Variants in PANK3 observed in about 807,000 individuals in gnomAD.
The protein encoded by PANK3 is hPanK3.
In PANK3, 20 loss-of-function variants were observed where a neutral mutation model predicts 39.4. That is an observed-to-expected ratio of 0.51 (90% CI 0.36 to 0.74). The LOEUF (loss-of-function observed/expected upper bound fraction) is 0.74, where lower values mean the gene tolerates loss of function less well. PANK3 is among the 30% of genes least tolerant of loss of function. PANK3 has a pLI of 0.00. For synonymous variants in PANK3, 140 were observed against 157.3 expected, an observed-to-expected ratio of 0.89 and a Z score of 0.82; for missense variants, 265 against 437.0, an observed-to-expected ratio of 0.61 and a Z score of 3.51.
rs1219514622 is a variant in PANK3, at chr5:168,554,322, C to A, written c.*3249G>T. 1 of 152,200 alleles carries A rather than the reference C, an allele frequency of 6.6e-6. No homozygotes were observed. The highest frequency in any genetic ancestry group is 6.5e-5 in the Admixed American group (1 of 15,280). 9.4% of individuals were successfully genotyped at this position (152,200 alleles called of 1,614,324 possible). A position where few individuals can be genotyped will look rare whatever the true frequency, so the allele number is the denominator to read the frequency against. On this transcript the variant is annotated 3_prime_UTR_variant, in exon 7 of 7. Coordinates refer to ENST00000239231, the MANE Select transcript of PANK3 (RefSeq NM_024594.4). ...AGAGCTTAAAAAATTGTTTACATTA[C>A]ACAAGGTAAGTATCACTATGGGTTT... is the stretch of plus-strand genomic sequence containing the variant.
At chr5:168,569,736 C>T (rs1027914855) in intron 1 of PANK3, among the ~76,000 whole-genome samples, 1 of 151,976 alleles carries the variant, frequency 6.6e-6, no homozygotes, top group African/African-American at 2.4e-5. Flanking sequence ...TTCAAGTAAC[C>T]CAGGAGAAAA....
At chr5:168,579,200 T>G in intron 1 of PANK3, 56 bp downstream of exon 1, 2 of 1,447,114 alleles carry the variant, frequency 1.4e-6, no homozygotes, top group Non-Finnish European at 1.8e-6. Flanking sequence ...CAAGGGGCTT[T>G]CAGACGGGGC....
intron 1 of PANK3, among the ~76,000 whole-genome samples, chr5:168,574,219 G>A (rs1195652569): frequency 1.3e-5 from 2 of 150,514 alleles, no homozygotes; most frequent in Non-Finnish European, 2.9e-5. Context: ...TCTAACTGGT[G>A]TGAGATGGTA....
intron 1 of PANK3, among the ~76,000 whole-genome samples, chr5:168,575,881 A>G (rs1259299043): frequency 1.3e-5 from 2 of 152,206 alleles, no homozygotes; most frequent in Non-Finnish European, 2.9e-5. Context: ...ACCAACATGA[A>G]AAACGCTCGA....
Position 168,566,009 on chromosome 5 carries a change from C to T in PANK3, c.635+4G>A. ...TGCAGCAATACAACCAAAAAGGTCA[C>T]TACCTTGTCCCAGTCACTCGTTTAT... On this transcript the variant is annotated splice_donor_region_variant and intron_variant, in intron 3 of 6. Transcript: ENST00000239231. The T allele has an allele frequency of 6.2e-7, 1 of 1,603,716 alleles. No homozygotes were observed. The highest frequency in any genetic ancestry group is 8.5e-7 in the Non-Finnish European group (1 of 1,172,456).
Position 168,564,065 on chromosome 5 carries a change from G to A in PANK3, c.636C>T (p.Ser212=). The change falls in exon 4 of 7, where the codon AGC becomes AGT. Residue 212 remains serine, a splice_region_variant and synonymous_variant. Transcript: ENST00000239231. ...AACCCAGAAAGGTACCCCCTCCAAGGCTAAAGAAAATAAAGAAACTTGCTA... is the reference window on the plus strand; with the variant it reads ...AACCCAGAAAGGTACCCCCTCCAAGACTAAAGAAAATAAAGAAACTTGCTA... ...KDNYKRVTGT[S]LGGGTFLGLC... is the part of the protein sequence containing the mutation. The A allele has an allele frequency of 6.3e-7, 1 of 1,582,434 alleles. No homozygotes were observed. Among genetic ancestry groups the A allele is most frequent in the Non-Finnish European group, 8.5e-7 (1 of 1,169,986 alleles).
At position 168,575,366 on chromosome 5, in the gene PANK3, G is replaced by A. The variant is rs559621805; in HGVS notation, c.28+3890C>T. Among the ~76,000 whole-genome samples the A allele has an allele frequency of 1.6e-4, 24 of 152,334 alleles. 1 individual carries two copies. The South Asian group carries it at 5.0e-3, about 32-fold the overall frequency. On this transcript the variant is annotated intron_variant, in intron 1 of 6. Coordinates refer to ENST00000239231, the MANE Select transcript of PANK3 (RefSeq NM_024594.4). ...TCACCTTTTAAGATACTAAACAGCA[G>A]AAGCTATCTAGCCACAAGAGCAGAC...
intron 1 of PANK3, among the ~76,000 whole-genome samples, chr5:168,575,645 G>A (rs1055244288): frequency 1.3e-5 from 2 of 152,124 alleles, no homozygotes; most frequent in African/African-American, 4.8e-5. Flanking sequence ...AATTAGCTGG[G>A]CATAGTGGCA....
chr5:168,570,825 A>G (rs1378123774), intron 1 of PANK3, among the ~76,000 whole-genome samples: 1 of 152,254 alleles, frequency 6.6e-6, no homozygotes, highest in Non-Finnish European at 1.5e-5. Flanking sequence ...GAAAGCAAAC[A>G]AACTTTCTAC....
chr5:168,574,604 G>C (rs1019757232), intron 1 of PANK3, among the ~76,000 whole-genome samples: 30 of 152,174 alleles, frequency 2.0e-4, no homozygotes, highest in Non-Finnish European at 4.3e-4. Flanking sequence ...GCTCACATCT[G>C]TAATCCTAGC....
At position 168,553,075 on chromosome 5, in the gene PANK3, CT is replaced by C. The variant is rs1441181767; in HGVS notation, c.*4495del. ...AGGATCTCATTAGTACTCTTCCTTT[CT>C]GTTAATGAGCAAAAACTTACGACTT... On this transcript the variant is annotated 3_prime_UTR_variant, in exon 7 of 7. Coordinates refer to ENST00000239231, the MANE Select transcript of PANK3 (RefSeq NM_024594.4). 7 of 416,720 alleles carry C rather than the reference CT, an allele frequency of 1.7e-5. No homozygotes were observed. In the East Asian group the frequency reaches 3.5e-4, roughly 21 times the overall value. The allele number at this position is 416,720 out of a possible 1,614,324, so 25.8% of individuals were successfully genotyped here. A position where few individuals can be genotyped will look rare whatever the true frequency, so the allele number is the denominator to read the frequency against.
intron 2 of PANK3, among the ~76,000 whole-genome samples, chr5:168,567,824 T>C (rs1759561248): frequency 6.6e-6 from 1 of 152,170 alleles, no homozygotes; most frequent in Non-Finnish European, 1.5e-5. Context: ...CCCACTATAT[T>C]GCCCAGGCTG....
At chr5:168,558,153 CTTTTTTT>C (rs767440372) in intron 6 of PANK3, among the ~76,000 whole-genome samples, 2 of 115,294 alleles carry the variant, frequency 1.7e-5, no homozygotes, top group African/African-American at 3.5e-5. Context: ...GACATGGAAG[CTTTTTTT>C]TTTTTTTTTT....
At chr5:168,569,464 T>C (rs1759592424) in intron 1 of PANK3, among the ~76,000 whole-genome samples, 1 of 151,918 alleles carries the variant, frequency 6.6e-6, no homozygotes, top group African/African-American at 2.4e-5. Context: ...AGTGCTGGGA[T>C]TGCAGGCGTG....
At chr5:168,565,885 A>ATATATATATATTTTT (rs1441027360) in intron 3 of PANK3, 128 bp downstream of exon 3, 17 of 192,934 alleles carry the variant, frequency 8.8e-5, no homozygotes, top group African/African-American at 4.3e-4. Context: ...ATATATATAT[A>ATATATATATATTTTT]TTTTTTTTTT....
intron 6 of PANK3, among the ~76,000 whole-genome samples, chr5:168,558,183 C>T (rs900740766): frequency 2.9e-5 from 4 of 140,268 alleles, no homozygotes; most frequent in Admixed American, 1.5e-4. Flanking sequence ...TAGACAGTCT[C>T]GCTATCACCC....
At position 168,556,927 on chromosome 5, in the gene PANK3, C is replaced by T. The variant is rs996598936; in HGVS notation, c.*644G>A. On this transcript the variant is annotated 3_prime_UTR_variant, in exon 7 of 7. Transcript: ENST00000239231. ...CTGTAAAATACAGAAAGTGCAACAT[C>T]ACCAAACGTGCATTTCCCAGGATTC... is the stretch of plus-strand genomic sequence containing the variant. The T allele has an allele frequency of 6.6e-6, 1 of 152,582 alleles. No homozygotes were observed. Among genetic ancestry groups the T allele is most frequent in the African/African-American group, 2.4e-5 (1 of 41,418 alleles). The allele number at this position is 152,582 out of a possible 1,614,324, so 9.5% of individuals were successfully genotyped here.
chr5:168,570,008 C>T (rs1028079959), intron 1 of PANK3, among the ~76,000 whole-genome samples: 1 of 151,998 alleles, frequency 6.6e-6, no homozygotes, highest in Admixed American at 6.6e-5. Context: ...CATGTTTGCA[C>T]CACTACACTG....
At chr5:168,579,183 G>A (rs1397316259) in intron 1 of PANK3, 73 bp downstream of exon 1, 5 of 1,363,404 alleles carry the variant, frequency 3.7e-6, no homozygotes, top group Non-Finnish European at 3.9e-6. Context: ...GAAGCCGACC[G>A]CCCAGCCAAG....
Sources: gnomAD v4.1 joint callset for allele counts (sites outside exome capture counted in the v4.1 genomes callset) on GRCh38, gnomAD v4.1.1 for gene constraint, MANE v1.5 for transcripts, NCBI Gene and HGNC (gene_info 2026-07-23, HGNC 2026-07-21) for gene names.